The following COL18A1 variants were observed in gnomAD, a reference collection of about 807,000 sequenced individuals.
COL18A1 encodes collagen type XVIII alpha 1 chain, also known as collagen alpha-1(XVIII) chain.
A neutral mutation model predicts 168.0 loss-of-function variants in COL18A1; 133 were observed. The ratio of observed to expected loss-of-function variants is 0.79; its 90% CI spans 0.69 to 0.91. The LOEUF (loss-of-function observed/expected upper bound fraction) is 0.91. COL18A1 is among the 40% of genes least tolerant of loss of function. The pLI is 0.00. For missense variants in COL18A1, 2,126 were observed against 1,925.4 expected (o/e 1.10, Z -1.95); for synonymous variants, 949 against 809.0 (o/e 1.17, Z -2.94).
At chr21:45,452,934 A>G (rs146657561) in intron 2 of COL18A1, among the ~76,000 whole-genome samples, 95 of 151,702 alleles carry the variant, frequency 6.3e-4, no homozygotes, top group African/African-American at 2.2e-3. Context: ...TTCACATGTG[A>G]CATGTGAGCA....
In COL18A1 at chr21:45,443,120, C is replaced by A. The variant is rs796432867; in HGVS notation, c.107-25122C>A. On this transcript the variant is annotated intron_variant, in intron 2 of 41. Coordinates refer to ENST00000651438, the MANE Select transcript of COL18A1 (RefSeq NM_001379500.1). This position sits in a 1 kb window ranked among gnomAD's most constrained non-coding sequence, Gnocchi z 5.2. ...TGGGCGGCGGTGCTGGTGTGGGCGG[C>A]GGTGCTGGTGTGGGCGGCGGTGCTG... Among the ~76,000 whole-genome samples the A allele has an allele frequency of 2.9e-3, 123 of 42,500 alleles. No individual in the cohort carries two copies. Among genetic ancestry groups the A allele is most frequent in the East Asian group, 8.2e-3 (9 of 1,102 alleles). 27.9% of individuals were successfully genotyped at this position (42,500 alleles called of 152,430 possible).
intron 6 of COL18A1, 137 bp from the exon 7 acceptor site, chr21:45,477,274 A>G (rs2035710243): frequency 2.9e-6 from 2 of 697,874 alleles, no homozygotes; most frequent in Admixed American, 4.2e-5. Flanking sequence ...GTGCGGCCTG[A>G]GGCTGGGGAT....
At chr21:45,485,087 A>G (rs1020653514) in intron 15 of COL18A1, among the ~76,000 whole-genome samples, 5 of 147,198 alleles carry the variant, frequency 3.4e-5, no homozygotes, top group African/African-American at 1.2e-4. Context: ...GTTTCAAGTG[A>G]GTCTCCTGCC....
At chr21:45,470,736 C>T (rs966916781) in intron 3 of COL18A1, among the ~76,000 whole-genome samples, 15 of 152,168 alleles carry the variant, frequency 9.9e-5, no homozygotes, top group African/African-American at 3.4e-4. Flanking sequence ...ATCCACCCGC[C>T]TAAGCCTCTC....
rs138358439 is a variant in COL18A1, at chr21:45,458,424, C to T, written c.107-9818C>T. On this transcript the variant is annotated intron_variant, in intron 2 of 41. Transcript: ENST00000651438. ...CTCTCTGAGGCAGGGGCTGTGCCCG[C>T]GAATGTTGGCATCTCAGGGCTTAGA... Among the ~76,000 whole-genome samples, 679 of 152,158 alleles carry T rather than the reference C, an allele frequency of 4.5e-3. 4 individuals are homozygous for T. The highest frequency in any genetic ancestry group is 0.01 in the Middle Eastern group (3 of 294).
intron 38 of COL18A1, among the ~76,000 whole-genome samples, chr21:45,508,337 AGATG>A (rs906586994): frequency 7.1e-6 from 1 of 141,440 alleles, no homozygotes; most frequent in African/African-American, 2.7e-5. Context: ...ATAGATGGGC[AGATG>A]GATGGTGGAC....
chr21:45,454,521 G>T (rs73240317), intron 2 of COL18A1, among the ~76,000 whole-genome samples: 1 of 152,198 alleles, frequency 6.6e-6, no homozygotes, highest in African/African-American at 2.4e-5. Flanking sequence ...ATGTGTGAAC[G>T]TGTGTGTGAG....
chr21:45,453,504 C>T (rs932896412), intron 2 of COL18A1, among the ~76,000 whole-genome samples: 17 of 152,208 alleles, frequency 1.1e-4, no homozygotes, highest in African/African-American at 4.1e-4. Flanking sequence ...CTGGTGGGAA[C>T]CAGATCCCGG....
At chr21:45,497,700 C>T (rs184119963) in intron 32 of COL18A1, 39 bp downstream of exon 32, 81 of 1,551,870 alleles carry the variant, frequency 5.2e-5, no homozygotes, top group Middle Eastern at 1.7e-4. Flanking sequence ...AGAGCCATGG[C>T]GTGGCCAGCA....
At chr21:45,438,384 T>A (rs536446087) in intron 2 of COL18A1, among the ~76,000 whole-genome samples, 29 of 103,516 alleles carry the variant, frequency 2.8e-4, no homozygotes, top group African/African-American at 1.2e-3. Flanking sequence ...ACACACACAC[T>A]CACACACTCA....
chr21:45,505,059 G>A, intron 34 of COL18A1, 75 bp from the exon 35 acceptor site: 1 of 1,556,508 alleles, frequency 6.4e-7, no homozygotes. Context: ...CTTGGCAGCT[G>A]CAGCCCCACA....
chr21:45,494,299 G>A (rs939024088), intron 26 of COL18A1: 29 of 543,342 alleles, frequency 5.3e-5, no homozygotes, highest in African/African-American at 5.2e-4. Context: ...ATGCATGCAC[G>A]CACCAACCTG....
intron 31 of COL18A1, 93 bp from the exon 32 acceptor site, chr21:45,497,506 C>T: frequency 6.7e-7 from 1 of 1,495,796 alleles, no homozygotes; most frequent in Non-Finnish European, 9.1e-7. Context: ...CCATCCAGGC[C>T]CCCAGGCACT....
chr21:45,452,930 T>G (rs1276193268), intron 2 of COL18A1, among the ~76,000 whole-genome samples: 2 of 151,930 alleles, frequency 1.3e-5, no homozygotes, highest in Non-Finnish European at 2.9e-5. Flanking sequence ...AGTATTCACA[T>G]GTGACATGTG....
Position 45,423,349 on chromosome 21 carries a change from A to G in COL18A1, c.106+17876A>G, listed in dbSNP as rs1195210872. ...AGCTGCCCTTGCTGTGCTGGGGTAC[A>G]TTCCCCGAGCTTCCACAGTTTCCCT... On this transcript the variant is annotated intron_variant, in intron 2 of 41. Coordinates refer to ENST00000651438, the MANE Select transcript of COL18A1 (RefSeq NM_001379500.1). The surrounding 1 kb of genome is among the most constrained non-coding windows in gnomAD (Gnocchi z 4.0). Among the ~76,000 whole-genome samples the G allele has an allele frequency of 1.3e-5, 2 of 152,164 alleles. No individual in the cohort carries two copies. Among genetic ancestry groups the G allele is most frequent in the Non-Finnish European group, 2.9e-5 (2 of 68,024 alleles).
intron 2 of COL18A1, among the ~76,000 whole-genome samples, chr21:45,409,204 C>A (rs541397681): frequency 1.2e-4 from 19 of 152,190 alleles, no homozygotes; most frequent in Non-Finnish European, 2.5e-4. Flanking sequence ...AGACGACAGG[C>A]CTGGCCAGGC....
intron 25 of COL18A1, 74 bp from the exon 26 acceptor site, chr21:45,493,426 TG>T: frequency 7.0e-7 from 1 of 1,425,666 alleles, no homozygotes; most frequent in Non-Finnish European, 9.7e-7. Flanking sequence ...ACAGCGGCCC[TG>T]CCTTCGGGGC....
At chr21:45,493,073 C>A in intron 24 of COL18A1, 90 bp from the exon 25 acceptor site, 1 of 1,318,356 alleles carries the variant, frequency 7.6e-7, no homozygotes, top group Non-Finnish European at 1.1e-6. Context: ...AGGCATATTG[C>A]GGGGGGCAGC....
rs1319665978 is a variant in COL18A1, at chr21:45,456,716, C to G, written c.107-11526C>G. 2.0e-6 allele frequency: 3 copies of G among 1,533,692 alleles called. No homozygotes were observed. The African/African-American group carries it at 4.1e-5, about 21-fold the overall frequency. On this transcript the variant is annotated intron_variant, in intron 2 of 41. Coordinates refer to ENST00000651438, the MANE Select transcript of COL18A1 (RefSeq NM_001379500.1). ...GTTCTTCTGCCTGCTGCTGGTCCCC[C>G]CATGCGGCAGCGTCCCGCCGCCCGC...
Sources: allele counts gnomAD v4.1 joint callset (sites outside exome capture counted in the v4.1 genomes callset), GRCh38; gene constraint gnomAD v4.1.1; non-coding constraint Gnocchi (gnomAD v3.1); transcripts MANE v1.5; gene names NCBI Gene and HGNC (gene_info 2026-07-23, HGNC 2026-07-21).